The following CADPS variants were observed in gnomAD, a reference collection of about 807,000 sequenced individuals.
CADPS encodes calcium dependent secretion activator, also known as calcium-dependent secretion activator 1.
A neutral mutation model predicts 167.3 loss-of-function variants in CADPS; 57 were observed. The ratio of observed to expected loss-of-function variants is 0.34; its 90% CI spans 0.28 to 0.42. CADPS has a LOEUF of 0.42. CADPS is among the 20% of genes least tolerant of loss of function. The pLI is 1.00. For synonymous variants in CADPS, 676 were observed against 635.3 expected, an observed-to-expected ratio of 1.06 and a Z score of -0.96; for missense variants, 1,414 against 1,738.1, an observed-to-expected ratio of 0.81 and a Z score of 3.32.
intron 3 of CADPS, among the ~76,000 whole-genome samples, chr3:62,682,582 G>C (rs763859707): frequency 2.6e-5 from 4 of 152,044 alleles, no homozygotes; most frequent in African/African-American, 4.8e-5. Flanking sequence ...TGAAAGCTGA[G>C]AGGTTAGGAA....
intron 29 of CADPS, 52 bp downstream of exon 29, chr3:62,403,029 A>G: frequency 1.7e-6 from 2 of 1,170,640 alleles, no homozygotes; most frequent in Non-Finnish European, 1.3e-6. Flanking sequence ...TTGCCAGTGA[A>G]ATATATTTCA....
intron 4 of CADPS, among the ~76,000 whole-genome samples, chr3:62,658,821 C>G (rs902793110): frequency 1.3e-5 from 2 of 152,140 alleles, no homozygotes; most frequent in African/African-American, 2.4e-5. Flanking sequence ...GGGGTTGGCC[C>G]TTGAACCAAG....
At chr3:62,415,272 C>G (rs1017893495) in intron 28 of CADPS, among the ~76,000 whole-genome samples, 1 of 152,084 alleles carries the variant, frequency 6.6e-6, no homozygotes, top group Admixed American at 6.5e-5. Flanking sequence ...CTCGGTTGCT[C>G]GGTGGCTGGG....
chr3:62,789,639 G>C (rs746691012), intron 1 of CADPS, among the ~76,000 whole-genome samples: 1 of 152,246 alleles, frequency 6.6e-6, no homozygotes, highest in African/African-American at 2.4e-5. Flanking sequence ...CACTGAACAC[G>C]TTCCAGAGAT....
In CADPS at chr3:62,445,725, AAC is replaced by A. The variant is rs1491520626; in HGVS notation, c.3669+38_3669+39del. On this transcript the variant is annotated intron_variant, in intron 27 of 29. Coordinates refer to ENST00000383710, the MANE Select transcript of CADPS (RefSeq NM_003716.4). ...AAAAGTAAAAATGAAAAAAAAAAAA[AAC>A]AAAAAAACCCCATGAGAAACAATTT... 7.9e-3 allele frequency: 10,513 copies of A among 1,323,430 alleles called. 210 individuals carry two copies. Among genetic ancestry groups the A allele is most frequent in the Middle Eastern group, 0.014 (63 of 4,586 alleles). The allele number at this position is 1,323,430 out of a possible 1,614,324, so 82.0% of individuals were successfully genotyped here. A position where few individuals can be genotyped will look rare whatever the true frequency, so the allele number is the denominator to read the frequency against.
At chr3:62,822,569 T>C (rs1428123003) in intron 1 of CADPS, among the ~76,000 whole-genome samples, 2 of 152,176 alleles carry the variant, frequency 1.3e-5, no homozygotes, top group African/African-American at 2.4e-5. Flanking sequence ...CAGCCAGGCA[T>C]AGTGGCTCAC....
chr3:62,526,375 T>G (rs1395035836), intron 13 of CADPS, among the ~76,000 whole-genome samples: 1 of 152,174 alleles, frequency 6.6e-6, no homozygotes, highest in Non-Finnish European at 1.5e-5. Flanking sequence ...TACAATGTAC[T>G]TTCTACACAG....
At chr3:62,829,000 C>A (rs1158192018) in intron 1 of CADPS, among the ~76,000 whole-genome samples, 1 of 152,120 alleles carries the variant, frequency 6.6e-6, no homozygotes, top group East Asian at 1.9e-4. Context: ...AATTTGATGG[C>A]CTGTGGACAT....
chr3:62,697,363 T>A (rs2151445003), intron 3 of CADPS, among the ~76,000 whole-genome samples: 1 of 152,172 alleles, frequency 6.6e-6, no homozygotes, highest in Non-Finnish European at 1.5e-5. Context: ...GCATATGATG[T>A]TTGGTTTTCC....
At chr3:62,628,852 C>T (rs2064678696) in intron 6 of CADPS, among the ~76,000 whole-genome samples, 1 of 152,018 alleles carries the variant, frequency 6.6e-6, no homozygotes, top group African/African-American at 2.4e-5. Context: ...GTCTTGATCT[C>T]TTGACCTCGT....
intron 3 of CADPS, among the ~76,000 whole-genome samples, chr3:62,710,310 C>T (rs1400718243): frequency 2.0e-5 from 3 of 151,994 alleles, no homozygotes; most frequent in South Asian, 4.2e-4. Flanking sequence ...TAAACAAATA[C>T]TGATTCCTGG....
intron 6 of CADPS, among the ~76,000 whole-genome samples, chr3:62,639,302 G>C (rs567823581): frequency 8.2e-4 from 125 of 152,244 alleles, no homozygotes; most frequent in Middle Eastern, 3.4e-3. Flanking sequence ...AGAAGAAATA[G>C]TATCCAAGCT....
intron 1 of CADPS, among the ~76,000 whole-genome samples, chr3:62,853,682 C>G (rs192804454): frequency 6.6e-6 from 1 of 151,530 alleles, no homozygotes; most frequent in Non-Finnish European, 1.5e-5. Flanking sequence ...ACATGACAGC[C>G]AGGCCCAGTG....
intron 6 of CADPS, among the ~76,000 whole-genome samples, chr3:62,603,576 G>A (rs1191382653): frequency 6.6e-6 from 1 of 152,188 alleles, no homozygotes; most frequent in Non-Finnish European, 1.5e-5. Flanking sequence ...CATTGGCAGA[G>A]TCTGTTTGCA....
chr3:62,550,861 C>T (rs925137973), intron 10 of CADPS: 1 of 456,682 alleles, frequency 2.2e-6, no homozygotes, highest in Non-Finnish European at 4.4e-6. Context: ...GCAGCATTTG[C>T]ACTCCCTTCT....
intron 3 of CADPS, among the ~76,000 whole-genome samples, chr3:62,748,906 G>T (rs566181821): frequency 3.4e-4 from 51 of 152,174 alleles, no homozygotes; most frequent in Non-Finnish European, 6.3e-4. Context: ...TGGAGCCTAG[G>T]CTGGTCTAAA....
At chr3:62,667,386 G>A (rs1002872805) in intron 3 of CADPS, among the ~76,000 whole-genome samples, 8 of 151,922 alleles carry the variant, frequency 5.3e-5, no homozygotes, top group Non-Finnish European at 1.2e-4. Context: ...CTGATCCTTA[G>A]TTTGCCTTTA....
chr3:62,707,099 C>T (rs1286355018), intron 3 of CADPS, among the ~76,000 whole-genome samples: 1 of 152,088 alleles, frequency 6.6e-6, no homozygotes, highest in African/African-American at 2.4e-5. Context: ...TGGCCACGGA[C>T]CCACTACCGG....
Position 62,550,045 on chromosome 3 carries a change from A to G in CADPS, c.1824T>C (p.Asp608=). 2 of 1,614,076 alleles carry G rather than the reference A, an allele frequency of 1.2e-6. No individual in the cohort carries two copies. Among genetic ancestry groups the G allele is most frequent in the South Asian group, 1.1e-5 (1 of 91,072 alleles). Residue 608 remains aspartate (D), a synonymous_variant, in exon 11 of 30, where the codon GAT becomes GAC. Coordinates refer to ENST00000383710, the MANE Select transcript of CADPS (RefSeq NM_003716.4). ...GGACCCACAGGATGCGGTCTTGTTC[A>G]TCGTCACTGGCAAATATCACGGTGT... ...EGDTVIFASD[D]EQDRILWVQA... is the part of the protein sequence containing the mutation.
Sources: gnomAD v4.1 joint callset for allele counts (sites outside exome capture counted in the v4.1 genomes callset) on GRCh38, gnomAD v4.1.1 for gene constraint, MANE v1.5 for transcripts, NCBI Gene and HGNC (gene_info 2026-07-23, HGNC 2026-07-21) for gene names.